Variants in SP3 observed in about 807,000 individuals in gnomAD.
SP3 encodes the protein Sp3 transcription factor.
A neutral mutation model predicts 70.3 loss-of-function variants in SP3; 10 were observed. The ratio of observed to expected loss-of-function variants is 0.14; its 90% CI spans 0.09 to 0.24. SP3 has a LOEUF of 0.24. Among genes scored for constraint, SP3 ranks in the 10% least tolerant of loss-of-function variants. The pLI is 1.00. For synonymous variants in SP3, 402 were observed against 333.5 expected (o/e 1.21, Z -2.24); for missense variants, 825 against 914.6 (o/e 0.90, Z 1.26).
At chr2:173,912,956 T>A in intron 6 of SP3, 114 bp downstream of exon 6, 1 of 672,662 alleles carries the variant, frequency 1.5e-6, no homozygotes, top group Non-Finnish European at 2.1e-6. Context: ...TTGGATGTAA[T>A]TCATTGTATT....
chr2:173,928,225 A>G (rs1689973068), intron 4 of SP3, among the ~76,000 whole-genome samples: 2 of 152,204 alleles, frequency 1.3e-5, no homozygotes, highest in Admixed American at 1.3e-4. Context: ...ACCCTTCAAA[A>G]TGAAGATGGC....
intron 1 of SP3, chr2:173,964,767 C>T: frequency 2.2e-6 from 1 of 445,014 alleles, no homozygotes; most frequent in Non-Finnish European, 3.9e-6. Context: ...CCTCCTCCTC[C>T]TCTTTCCCTC....
rs774669753 is a variant in SP3 at position 173,955,030 on chromosome 2, G to T, written c.1482C>A (p.Thr494=). 5 of 1,614,048 alleles carry T rather than the reference G, an allele frequency of 3.1e-6. No individual in the cohort carries two copies. In the African/African-American group the frequency reaches 6.7e-5, roughly 22 times the overall value. ...AQQITLTPVQ[T]LTLGQVAAGG... Reference sequence around the variant, plus strand: ...CTGCCGCAACTTGACCAAGTGTGAGGGTTTGAACAGGCGTCAAAGTTATTT... The same window carrying T: ...CTGCCGCAACTTGACCAAGTGTGAGTGTTTGAACAGGCGTCAAAGTTATTT... The change falls in exon 4 of 7, where the codon ACC becomes ACA. Residue 494 remains threonine, a synonymous_variant. Coordinates refer to ENST00000310015, the MANE Select transcript of SP3 (RefSeq NM_003111.5).
At chr2:173,932,467 A>G (rs1690091827) in intron 4 of SP3, among the ~76,000 whole-genome samples, 1 of 151,736 alleles carries the variant, frequency 6.6e-6, no homozygotes. Flanking sequence ...CTGGGATTAC[A>G]GGAGTGAGCC....
Position 173,903,271 on chromosome 2 carries a change from A to C in SP3, c.*6670T>G, listed in dbSNP as rs1689221258. Among the ~76,000 whole-genome samples the C allele has an allele frequency of 1.3e-5, 2 of 152,238 alleles. No homozygotes were observed. The highest frequency in any genetic ancestry group is 2.9e-5 in the Non-Finnish European group (2 of 68,048). ...CATGCATTAACTTATTTATCTCCAT[A>C]ATCACTCTATGAAGATGACGCTAGC... On this transcript the variant is annotated 3_prime_UTR_variant, in exon 7 of 7. Transcript: ENST00000310015.
At position 173,904,926 on chromosome 2, in the gene SP3, T is replaced by G. The variant is rs1689273842; in HGVS notation, c.*5015A>C. Among the ~76,000 whole-genome samples the G allele has an allele frequency of 6.6e-6, 1 of 152,242 alleles. No individual in the cohort carries two copies. Among genetic ancestry groups the G allele is most frequent in the African/African-American group, 2.4e-5 (1 of 41,464 alleles). ...CTAATCTTAAAAACCACTTCAGTGCTAGACTTTATCTTTCAGTCGCAATGA... is the reference window on the plus strand; with the variant it reads ...CTAATCTTAAAAACCACTTCAGTGCGAGACTTTATCTTTCAGTCGCAATGA... On this transcript the variant is annotated 3_prime_UTR_variant, in exon 7 of 7. Transcript: ENST00000310015.
chr2:173,911,435 CT>C (rs1217694592), intron 6 of SP3, among the ~76,000 whole-genome samples: 1 of 152,202 alleles, frequency 6.6e-6, no homozygotes, highest in Non-Finnish European at 1.5e-5. Flanking sequence ...TTCCCAGTTT[CT>C]CTTGTAACAT....
intron 4 of SP3, among the ~76,000 whole-genome samples, chr2:173,953,959 G>C (rs566826092): frequency 6.6e-6 from 1 of 152,022 alleles, no homozygotes; most frequent in Admixed American, 6.6e-5. Context: ...TTTATCAAAA[G>C]AAAAAAGGTA....
At chr2:173,931,593 C>T (rs1441792221) in intron 4 of SP3, among the ~76,000 whole-genome samples, 5 of 152,224 alleles carry the variant, frequency 3.3e-5, no homozygotes, top group Admixed American at 1.3e-4. Context: ...CCTCCCACCT[C>T]GGCCTCCCAA....
At chr2:173,962,226 A>G (rs1159572132) in intron 3 of SP3, among the ~76,000 whole-genome samples, 3 of 152,122 alleles carry the variant, frequency 2.0e-5, no homozygotes, top group East Asian at 3.8e-4. Flanking sequence ...TTATTCACCC[A>G]TATTTCCTTC....
intron 4 of SP3, among the ~76,000 whole-genome samples, chr2:173,920,135 G>T (rs947204390): frequency 2.6e-5 from 4 of 151,938 alleles, no homozygotes; most frequent in African/African-American, 9.7e-5. Context: ...ATGGGATCGT[G>T]TATGATATTT....
intron 4 of SP3, among the ~76,000 whole-genome samples, chr2:173,942,931 A>G (rs1294781458): frequency 5.3e-5 from 8 of 152,202 alleles, no homozygotes; most frequent in African/African-American, 1.9e-4. Context: ...CATTTACATT[A>G]TATTAGGTAT....
intron 6 of SP3, among the ~76,000 whole-genome samples, chr2:173,911,818 T>A: frequency 7.0e-6 from 1 of 142,184 alleles, no homozygotes; most frequent in South Asian, 2.3e-4. Flanking sequence ...TCTACCTTTT[T>A]TTTTTTTTTT....
rs536395977 is a variant in SP3 at position 173,912,915 on chromosome 2, GTTA to G, written c.2029+152_2029+154del. Among the ~76,000 whole-genome samples the G allele has an allele frequency of 9.9e-5, 15 of 152,230 alleles. No homozygotes were observed. The East Asian group carries it at 1.9e-3, about 20-fold the overall frequency. On this transcript the variant is annotated intron_variant, in intron 6 of 6. Transcript: ENST00000310015. ...GACTGACTTGTTCTTTGGAATTTGT[GTTA>G]TTAAGATGGTGTTACTAAAGGTAAA...
At chr2:173,959,108 G>A (rs1000525507) in intron 3 of SP3, among the ~76,000 whole-genome samples, 7 of 152,014 alleles carry the variant, frequency 4.6e-5, no homozygotes, top group Admixed American at 4.6e-4. Flanking sequence ...TGACAGAATG[G>A]ATCAAAACAA....
Position 173,956,172 on chromosome 2 carries a change from C to G in SP3, c.340G>C (p.Ala114Pro). The change falls in exon 4 of 7, where the codon GCC becomes CCC. Residue 114 changes from alanine to proline, a missense_variant. Around this residue, in one of 4 missense-constraint regions of SP3, gnomAD observed 678 missense variants for 651.6 expected, o/e 1.04. Coordinates refer to ENST00000310015, the MANE Select transcript of SP3 (RefSeq NM_003111.5). Reference protein sequence around the residue: ...GAPNRWEVLSATPTTIKDEAG... With the variant: ...GAPNRWEVLSPTPTTIKDEAG... ...TCATCTTTTATAGTTGTAGGTGTGG[C>G]TGACAAAACCTCCCATCGGTTTGGT... 2 of 1,614,004 alleles carry G rather than the reference C, an allele frequency of 1.2e-6. No individual in the cohort carries two copies. The highest frequency in any genetic ancestry group is 1.7e-6 in the Non-Finnish European group (2 of 1,179,916).
intron 4 of SP3, among the ~76,000 whole-genome samples, chr2:173,919,710 A>C (rs547751368): frequency 2.0e-5 from 3 of 152,326 alleles, no homozygotes; most frequent in African/African-American, 7.2e-5. Context: ...GACCGTACAG[A>C]CTGTTGGCAA....
At chr2:173,939,461 T>C (rs78416050) in intron 4 of SP3, among the ~76,000 whole-genome samples, 7,772 of 152,236 alleles carry the variant, frequency 0.051, 283 homozygotes, top group Non-Finnish European at 0.078. Flanking sequence ...TGAAATAAGA[T>C]TAAAAATTTT....
At chr2:173,918,515 G>T in intron 5 of SP3, 78 bp downstream of exon 5, 2 of 1,333,382 alleles carry the variant, frequency 1.5e-6, no homozygotes, top group Non-Finnish European at 2.1e-6. Context: ...ATAATTAAAT[G>T]ACATAGCATG....
Sources: gnomAD v4.1 joint callset for allele counts (sites outside exome capture counted in the v4.1 genomes callset) on GRCh38, gnomAD v4.1.1 for gene constraint, gnomAD v4.1.1 regional missense constraint, MANE v1.5 for transcripts, NCBI Gene and HGNC (gene_info 2026-07-23, HGNC 2026-07-21) for gene names.